The following DGKI variants were observed in gnomAD, a reference collection of about 807,000 sequenced individuals.
The protein encoded by DGKI is diacylglycerol kinase iota.
In DGKI, 55 loss-of-function variants were observed where a neutral mutation model predicts 147.5. The observed-to-expected ratio is 0.37, with a 90% confidence interval of 0.30 to 0.47. The LOEUF (loss-of-function observed/expected upper bound fraction) is 0.47, where lower values mean the gene tolerates loss of function less well. Among genes scored for constraint, DGKI ranks in the 20% least tolerant of loss-of-function variants. DGKI has a pLI of 1.00. For synonymous variants in DGKI, 469 were observed against 477.1 expected, an observed-to-expected ratio of 0.98 and a Z score of 0.22; for missense variants, 1,007 against 1,323.8, an observed-to-expected ratio of 0.76 and a Z score of 3.71.
intron 1 of DGKI, among the ~76,000 whole-genome samples, chr7:137,711,780 G>A (rs1282524017): frequency 2.2e-5 from 3 of 136,414 alleles, no homozygotes; most frequent in South Asian, 2.5e-4. Flanking sequence ...TGCAACCTAC[G>A]CCTCCTGGGT....
intron 19 of DGKI, among the ~76,000 whole-genome samples, chr7:137,569,407 T>C (rs552925167): frequency 2.6e-5 from 4 of 151,992 alleles, no homozygotes; most frequent in Non-Finnish European, 4.4e-5. Context: ...TTTTCCATCA[T>C]ATACGGGCAT....
chr7:137,552,638 G>A (rs1818086802), intron 19 of DGKI, 70 bp from the exon 20 acceptor site: 6 of 1,521,656 alleles, frequency 3.9e-6, no homozygotes, highest in African/African-American at 1.4e-5. Context: ...GCCAGGCGCT[G>A]TGGCTCATGC....
At chr7:137,641,147 C>G (rs1376646274) in intron 6 of DGKI, among the ~76,000 whole-genome samples, 1 of 152,096 alleles carries the variant, frequency 6.6e-6, no homozygotes, top group Admixed American at 6.5e-5. Flanking sequence ...TGCACAAGCT[C>G]TCTCTTTGCC....
At chr7:137,505,878 T>C (rs926600323) in intron 21 of DGKI, among the ~76,000 whole-genome samples, 2 of 152,048 alleles carry the variant, frequency 1.3e-5, no homozygotes, top group Non-Finnish European at 2.9e-5. Flanking sequence ...TTTTCTGTCA[T>C]CAGAGAATTG....
intron 1 of DGKI, among the ~76,000 whole-genome samples, chr7:137,750,410 C>T (rs1203517289): frequency 3.9e-5 from 6 of 152,088 alleles, no homozygotes; most frequent in Admixed American, 2.6e-4. Context: ...CTGTGTAGAT[C>T]GCTGTTGTAT....
intron 1 of DGKI, among the ~76,000 whole-genome samples, chr7:137,729,892 G>GCAA (rs1794821356): frequency 6.6e-6 from 1 of 152,038 alleles, no homozygotes; most frequent in Admixed American, 6.6e-5. Flanking sequence ...GTGGAAAAGA[G>GCAA]GATTCATCTT....
chr7:137,843,118 C>A (rs986549355), intron 1 of DGKI, among the ~76,000 whole-genome samples: 1 of 152,054 alleles, frequency 6.6e-6, no homozygotes, highest in African/African-American at 2.4e-5. Flanking sequence ...AGGACTGTCA[C>A]AAAGATTAAT....
chr7:137,410,061 G>A (rs1812104698), intron 29 of DGKI, among the ~76,000 whole-genome samples: 1 of 152,158 alleles, frequency 6.6e-6, no homozygotes, highest in South Asian at 2.1e-4. Flanking sequence ...ATATGTAAGA[G>A]AGAAAAAGTA....
intron 28 of DGKI, among the ~76,000 whole-genome samples, chr7:137,433,813 T>C (rs926220352): frequency 6.6e-6 from 1 of 152,202 alleles, no homozygotes; most frequent in African/African-American, 2.4e-5. Context: ...CCTTCTCATC[T>C]TTCCACTTAA....
chr7:137,727,949 A>G (rs1303534351), intron 1 of DGKI, among the ~76,000 whole-genome samples: 2 of 152,198 alleles, frequency 1.3e-5, no homozygotes, highest in Admixed American at 6.5e-5. Flanking sequence ...GCTTGGAGAC[A>G]ATCATCACAA....
At chr7:137,596,760 T>A (rs974516404) in intron 12 of DGKI, among the ~76,000 whole-genome samples, 1 of 152,234 alleles carries the variant, frequency 6.6e-6, no homozygotes, top group African/African-American at 2.4e-5. Flanking sequence ...ACAGTTCTAT[T>A]TCATTCTCAT....
chr7:137,480,969 T>C (rs550484273), intron 23 of DGKI, among the ~76,000 whole-genome samples: 1 of 152,252 alleles, frequency 6.6e-6, no homozygotes, highest in African/African-American at 2.4e-5. Context: ...TTTTCTTTTG[T>C]TCCTCTTCTC....
chr7:137,634,164 C>A (rs1563122855), intron 6 of DGKI, among the ~76,000 whole-genome samples: 2 of 152,194 alleles, frequency 1.3e-5, no homozygotes, highest in African/African-American at 2.4e-5. Context: ...TTTGGCCTTT[C>A]TGGGTTCTGG....
chr7:137,753,926 G>A (rs1258695323), intron 1 of DGKI, among the ~76,000 whole-genome samples: 1 of 152,140 alleles, frequency 6.6e-6, no homozygotes, highest in African/African-American at 2.4e-5. Flanking sequence ...CCACTGAAAT[G>A]GGCAATCAAT....
At chr7:137,811,136 G>C (rs1384812821) in intron 1 of DGKI, among the ~76,000 whole-genome samples, 2 of 152,116 alleles carry the variant, frequency 1.3e-5, no homozygotes, top group Non-Finnish European at 2.9e-5. Context: ...ATAAAGAAGA[G>C]GGATGGTTCT....
chr7:137,576,748 G>A (rs553096039), intron 17 of DGKI, among the ~76,000 whole-genome samples: 5 of 152,096 alleles, frequency 3.3e-5, no homozygotes, highest in East Asian at 1.9e-4. Context: ...TCAACACTTC[G>A]TTCTAAAATG....
intron 1 of DGKI, among the ~76,000 whole-genome samples, chr7:137,769,093 C>T (rs1010457591): frequency 4.6e-5 from 7 of 152,128 alleles, no homozygotes; most frequent in Non-Finnish European, 1.5e-5. Flanking sequence ...AGCATTTATG[C>T]ATAGGGATTT....
chr7:137,553,323 G>A (rs1818114864), intron 19 of DGKI, among the ~76,000 whole-genome samples: 2 of 152,138 alleles, frequency 1.3e-5, no homozygotes, highest in African/African-American at 2.4e-5. Flanking sequence ...ATAGGTGTTT[G>A]CTTTTTATCT....
intron 2 of DGKI, among the ~76,000 whole-genome samples, chr7:137,683,423 TG>T (rs1367003857): frequency 2.0e-5 from 3 of 152,130 alleles, no homozygotes; most frequent in Non-Finnish European, 4.4e-5. Flanking sequence ...TTGCCCAGGC[TG>T]GACTGCAATG....
Sources: gnomAD v4.1 joint callset for allele counts (sites outside exome capture counted in the v4.1 genomes callset) on GRCh38, gnomAD v4.1.1 for gene constraint, MANE v1.5 for transcripts, NCBI Gene and HGNC (gene_info 2026-07-23, HGNC 2026-07-21) for gene names.